The following LYN variants were observed in gnomAD, a reference collection of about 807,000 sequenced individuals.
LYN encodes the protein LYN proto-oncogene, Src family tyrosine kinase.
Under a neutral mutation model 65.0 loss-of-function variants are expected in LYN, and 12 were observed. The ratio of observed to expected loss-of-function variants is 0.18; its 90% confidence interval spans 0.12 to 0.30. LYN has a LOEUF of 0.30. Ranked by LOEUF, LYN falls within the 10% of genes least tolerant of loss-of-function variation. The pLI is 1.00. For missense variants in LYN, 380 were observed against 623.2 expected (o/e 0.61, Z 4.16); for synonymous variants, 222 against 221.2 (o/e 1.00, Z -0.03).
chr8:55,970,890 A>G (rs1399013942), intron 10 of LYN, among the ~76,000 whole-genome samples: 2 of 152,200 alleles, frequency 1.3e-5, no homozygotes, highest in Non-Finnish European at 2.9e-5. Context: ...CAGAATGGTA[A>G]TTCCTGCTTT....
chr8:55,911,612 A>G (rs1805640616), intron 1 of LYN, among the ~76,000 whole-genome samples: 1 of 151,904 alleles, frequency 6.6e-6, no homozygotes, highest in African/African-American at 2.4e-5. Flanking sequence ...ATTTATACAT[A>G]TGTGAAATTC....
chr8:56,008,118 C>CAAAAAA (rs1554519937), intron 12 of LYN, among the ~76,000 whole-genome samples: 6 of 64,324 alleles, frequency 9.3e-5, no homozygotes, highest in African/African-American at 3.6e-4. Context: ...GACTCTGCCT[C>CAAAAAA]AAAAAAAAAA....
At chr8:55,954,274 A>T (rs1807040053) in intron 8 of LYN, among the ~76,000 whole-genome samples, 1 of 152,104 alleles carries the variant, frequency 6.6e-6, no homozygotes, top group South Asian at 2.1e-4. Flanking sequence ...TCATCGCCAG[A>T]TTCTCTGGAT....
intron 12 of LYN, among the ~76,000 whole-genome samples, chr8:56,006,166 T>TG (rs1009473734): frequency 1.2e-4 from 18 of 152,278 alleles, no homozygotes; most frequent in Admixed American, 2.6e-4. Context: ...GGTTTGAAAG[T>TG]GAAAAAATTT....
chr8:55,924,204 T>C (rs73682016), intron 1 of LYN, among the ~76,000 whole-genome samples: 2,322 of 152,236 alleles, frequency 0.015, 44 homozygotes, highest in African/African-American at 0.044. Context: ...AGAGATGTCA[T>C]TGTGTTTCCC....
At chr8:55,989,338 A>G (rs987494301) in intron 10 of LYN, among the ~76,000 whole-genome samples, 1 of 152,230 alleles carries the variant, frequency 6.6e-6, no homozygotes, top group African/African-American at 2.4e-5. Context: ...TGTGCTCTCT[A>G]TCAAACCCGC....
At chr8:55,978,096 C>G (rs1807807776) in intron 10 of LYN, among the ~76,000 whole-genome samples, 1 of 152,200 alleles carries the variant, frequency 6.6e-6, no homozygotes, top group African/African-American at 2.4e-5. Context: ...GATACTTAAA[C>G]CTCTCAACCA....
chr8:55,938,336 C>T (rs112330763), intron 1 of LYN, among the ~76,000 whole-genome samples: 6 of 152,308 alleles, frequency 3.9e-5, no homozygotes, highest in East Asian at 1.9e-4. Flanking sequence ...AAATTCTCTA[C>T]GCATAAAATA....
chr8:55,920,994 G>A (rs1179998374), intron 1 of LYN, among the ~76,000 whole-genome samples: 1 of 152,078 alleles, frequency 6.6e-6, no homozygotes, highest in African/African-American at 2.4e-5. Flanking sequence ...ACCGCACCCA[G>A]CCAGGAAGAT....
chr8:55,906,734 A>AGAG (rs1563503617), intron 1 of LYN, among the ~76,000 whole-genome samples: 5 of 123,840 alleles, frequency 4.0e-5, no homozygotes, highest in African/African-American at 1.4e-4. Context: ...AGAAAAAAAA[A>AGAG]AGAGAGAGAG....
At chr8:55,965,031 C>T (rs1807406666) in intron 8 of LYN, among the ~76,000 whole-genome samples, 1 of 114,648 alleles carries the variant, frequency 8.7e-6, no homozygotes, top group African/African-American at 3.7e-5. Context: ...TCCCTTCTCC[C>T]CATTTTTTTT....
intron 1 of LYN, among the ~76,000 whole-genome samples, chr8:55,926,123 A>C (rs1027992832): frequency 4.6e-5 from 7 of 152,262 alleles, no homozygotes; most frequent in Non-Finnish European, 8.8e-5. Flanking sequence ...CCAAATAACT[A>C]CAAAGCTTTA....
At chr8:55,900,127 A>T (rs6994798) in intron 1 of LYN, among the ~76,000 whole-genome samples, 5,962 of 152,248 alleles carry the variant, frequency 0.039, 370 homozygotes, top group African/African-American at 0.13. Flanking sequence ...CCAGTCAGCA[A>T]GGCCAAAACA....
Position 56,010,298 on chromosome 8 carries a change from A to T in LYN, c.*188A>T. The T allele has an allele frequency of 1.7e-6, 1 of 582,938 alleles. No homozygotes were observed. The allele number at this position is 582,938 out of a possible 1,614,324, so 36.1% of individuals were successfully genotyped here. On this transcript the variant is annotated 3_prime_UTR_variant, in exon 13 of 13. Coordinates refer to ENST00000519728, the MANE Select transcript of LYN (RefSeq NM_002350.4). ...GAAAGTATTCTGTACTCTTAGATGG[A>T]TTCTCCACTCAGTTGCAACTTGGAC...
intron 8 of LYN, among the ~76,000 whole-genome samples, chr8:55,960,855 T>C (rs1160605226): frequency 1.3e-5 from 2 of 152,236 alleles, no homozygotes; most frequent in African/African-American, 4.8e-5. Context: ...GGGAAGGGGC[T>C]GGGTGGGGAT....
At chr8:56,003,040 G>A (rs578182656) in intron 12 of LYN, among the ~76,000 whole-genome samples, 1 of 151,748 alleles carries the variant, frequency 6.6e-6, no homozygotes, top group African/African-American at 2.4e-5. Context: ...GCAGTAAACT[G>A]CTGGCTATGT....
intron 1 of LYN, among the ~76,000 whole-genome samples, chr8:55,919,206 A>G (rs1367742829): frequency 6.6e-6 from 1 of 152,136 alleles, no homozygotes; most frequent in African/African-American, 2.4e-5. Flanking sequence ...AATTAAAGGA[A>G]ATAGGAAAAG....
At chr8:55,897,538 A>C (rs755861798) in intron 1 of LYN, among the ~76,000 whole-genome samples, 59 of 152,182 alleles carry the variant, frequency 3.9e-4, no homozygotes, top group Non-Finnish European at 8.5e-4. Context: ...TTTAACAGAA[A>C]ACCTACTACT....
Position 55,884,880 on chromosome 8 carries a change from C to T in LYN, c.-6+4777C>T, listed in dbSNP as rs906885855. Among the ~76,000 whole-genome samples, 8 of 152,216 alleles carry T rather than the reference C, an allele frequency of 5.3e-5. No individual in the cohort carries two copies. In the East Asian group the frequency reaches 9.6e-4, roughly 18 times the overall value. Reference sequence around the variant, plus strand: ...ATCCCCTTCATCCTGTTCTGTACTTCATTTTCTCTCATTACTGAATTAGCT... The same window carrying T: ...ATCCCCTTCATCCTGTTCTGTACTTTATTTTCTCTCATTACTGAATTAGCT... On this transcript the variant is annotated intron_variant, in intron 1 of 12. Coordinates refer to ENST00000519728, the MANE Select transcript of LYN (RefSeq NM_002350.4).
Sources: gnomAD v4.1 joint callset for allele counts (sites outside exome capture counted in the v4.1 genomes callset) on GRCh38, gnomAD v4.1.1 for gene constraint, MANE v1.5 for transcripts, NCBI Gene and HGNC (gene_info 2026-07-23, HGNC 2026-07-21) for gene names.